CPQ: variants seen among roughly 807,000 people sequenced by gnomAD.
CPQ encodes the protein Ser-Met dipeptidase.
CPQ carries 37 observed loss-of-function variants against 45.7 expected under a neutral mutation model. The ratio of observed to expected loss-of-function variants is 0.81; its 90% CI spans 0.62 to 1.07. The LOEUF is 1.07. Among genes scored for constraint, CPQ ranks in the 50% least tolerant of loss-of-function variants. The probability of loss-of-function intolerance (pLI) is 0.00; values close to 1 mark genes in which losing one functional copy is unlikely to be tolerated. For synonymous variants in CPQ, 186 were observed against 205.8 expected (o/e 0.90, Z 0.82); for missense variants, 537 against 572.9 (o/e 0.94, Z 0.64).
At chr8:96,983,654 T>A (rs563489510) in intron 5 of CPQ, among the ~76,000 whole-genome samples, 1 of 152,276 alleles carries the variant, frequency 6.6e-6, no homozygotes, top group African/African-American at 2.4e-5. Flanking sequence ...CCCATTAGGA[T>A]TGTGATTTTA....
chr8:96,957,837 G>C (rs528124742), intron 4 of CPQ, among the ~76,000 whole-genome samples: 1 of 148,768 alleles, frequency 6.7e-6, no homozygotes, highest in African/African-American at 2.6e-5. Context: ...GGTACCAAAT[G>C]CTTTTTTTTT....
At chr8:97,041,517 C>T (rs1810124960) in intron 6 of CPQ, among the ~76,000 whole-genome samples, 1 of 152,210 alleles carries the variant, frequency 6.6e-6, no homozygotes, top group Non-Finnish European at 1.5e-5. Flanking sequence ...ACTTCCAACA[C>T]TATGCTGAAT....
At chr8:96,870,066 C>T (rs544019141) in intron 3 of CPQ, among the ~76,000 whole-genome samples, 4 of 151,904 alleles carry the variant, frequency 2.6e-5, no homozygotes, top group South Asian at 2.1e-4. Context: ...AGTGATACTT[C>T]GATATAGAAG....
At chr8:96,750,251 A>C (rs1810241053) in intron 1 of CPQ, among the ~76,000 whole-genome samples, 2 of 152,076 alleles carry the variant, frequency 1.3e-5, no homozygotes, top group African/African-American at 4.8e-5. Flanking sequence ...TATAATACTC[A>C]AATTATAAAG....
At chr8:96,683,072 G>T (rs1386969392) in intron 1 of CPQ, among the ~76,000 whole-genome samples, 1 of 151,930 alleles carries the variant, frequency 6.6e-6, no homozygotes, top group Non-Finnish European at 1.5e-5. Context: ...TTCTTTAGCG[G>T]TAATGTTTCA....
chr8:96,939,650 A>G (rs1004659001), intron 4 of CPQ, among the ~76,000 whole-genome samples: 2 of 152,072 alleles, frequency 1.3e-5, no homozygotes, highest in African/African-American at 2.4e-5. Context: ...GCTGTGCTTC[A>G]TTTATTTTCA....
intron 1 of CPQ, among the ~76,000 whole-genome samples, chr8:96,715,741 G>T (rs1809665316): frequency 6.6e-6 from 1 of 152,164 alleles, no homozygotes; most frequent in African/African-American, 2.4e-5. Context: ...CTGCCATCTG[G>T]ATTCTTTTGT....
At chr8:96,786,218 C>T (rs931532703) in intron 2 of CPQ, among the ~76,000 whole-genome samples, 6 of 152,086 alleles carry the variant, frequency 3.9e-5, no homozygotes, top group African/African-American at 1.4e-4. Context: ...CACTAATCTG[C>T]TTTCTGTCTT....
intron 4 of CPQ, among the ~76,000 whole-genome samples, chr8:96,932,344 C>G (rs1350837974): frequency 6.6e-6 from 1 of 152,006 alleles, no homozygotes; most frequent in African/African-American, 2.4e-5. Flanking sequence ...TCTCATAAAC[C>G]ACATAGTTAT....
chr8:96,915,930 G>A (rs931814861), intron 4 of CPQ, among the ~76,000 whole-genome samples: 2 of 152,106 alleles, frequency 1.3e-5, no homozygotes, highest in African/African-American at 4.8e-5. Flanking sequence ...TTTCTGCCTG[G>A]AGGTGATCAC....
chr8:96,726,705 A>G (rs1748434276), intron 1 of CPQ, among the ~76,000 whole-genome samples: 1 of 152,124 alleles, frequency 6.6e-6, no homozygotes, highest in South Asian at 2.1e-4. Flanking sequence ...CTCCAACAAT[A>G]GCGATTACAA....
chr8:96,743,095 G>C (rs1041994147), intron 1 of CPQ, among the ~76,000 whole-genome samples: 47 of 152,024 alleles, frequency 3.1e-4, no homozygotes, highest in African/African-American at 9.9e-4. Flanking sequence ...CCATTCTCCC[G>C]GTCACTTTCA....
intron 7 of CPQ, among the ~76,000 whole-genome samples, chr8:97,069,259 C>T (rs1458247566): frequency 6.6e-6 from 1 of 151,990 alleles, no homozygotes; most frequent in Non-Finnish European, 1.5e-5. Flanking sequence ...TTTGAGTTAT[C>T]CTTTGATATT....
At chr8:96,806,799 TG>T (rs1367378174) in intron 2 of CPQ, among the ~76,000 whole-genome samples, 1 of 152,126 alleles carries the variant, frequency 6.6e-6, no homozygotes, top group East Asian at 1.9e-4. Context: ...GAGAATGAGA[TG>T]GGGGAGATAA....
chr8:96,829,656 ATCT>A (rs1308632516), intron 2 of CPQ, among the ~76,000 whole-genome samples: 1 of 152,048 alleles, frequency 6.6e-6, no homozygotes, highest in Non-Finnish European at 1.5e-5. Flanking sequence ...GGCTACTGAA[ATCT>A]TCTAAAGCCT....
chr8:97,091,283 T>C (rs146710137), intron 7 of CPQ, among the ~76,000 whole-genome samples: 243 of 152,294 alleles, frequency 1.6e-3, no homozygotes, highest in African/African-American at 5.6e-3. Flanking sequence ...AGAGGGGATG[T>C]CTGATATTTT....
intron 4 of CPQ, among the ~76,000 whole-genome samples, chr8:96,951,676 C>A (rs949957472): frequency 6.6e-6 from 1 of 152,094 alleles, no homozygotes; most frequent in Non-Finnish European, 1.5e-5. Flanking sequence ...AACTTAGGTT[C>A]ACCAAACAAC....
intron 3 of CPQ, among the ~76,000 whole-genome samples, chr8:96,877,441 C>T (rs1812161150): frequency 6.6e-6 from 1 of 152,130 alleles, no homozygotes; most frequent in Admixed American, 6.6e-5. Context: ...GTTATACTGA[C>T]CTTCTCTTGG....
chr8:96,891,704 T>C (rs932950991), intron 4 of CPQ, among the ~76,000 whole-genome samples: 4 of 152,234 alleles, frequency 2.6e-5, no homozygotes, highest in African/African-American at 9.6e-5. Flanking sequence ...TAAAATTTTG[T>C]ATATACATAT....
Sources: gnomAD v4.1 joint callset for allele counts (sites outside exome capture counted in the v4.1 genomes callset) on GRCh38, gnomAD v4.1.1 for gene constraint, MANE v1.5 for transcripts, NCBI Gene and HGNC (gene_info 2026-07-23, HGNC 2026-07-21) for gene names.